The following DLG2 variants were observed in gnomAD, a reference collection of about 807,000 sequenced individuals.
The protein encoded by DLG2 is discs large MAGUK scaffold protein 2, also known as disks large homolog 2.
A neutral mutation model predicts 132.5 loss-of-function variants in DLG2; 45 were observed. The observed-to-expected ratio is 0.34, with a 90% CI of 0.27 to 0.44. The LOEUF is 0.44. Ranked by LOEUF, DLG2 falls within the 20% of genes least tolerant of loss-of-function variation. DLG2 has a pLI of 1.00. For synonymous variants in DLG2, 424 were observed against 419.6 expected (o/e 1.01, Z -0.13); for missense variants, 1,045 against 1,196.9 (o/e 0.87, Z 1.87).
chr11:84,466,687 T>A (rs1049254354), intron 7 of DLG2, among the ~76,000 whole-genome samples: 1 of 151,318 alleles, frequency 6.6e-6, no homozygotes, highest in African/African-American at 2.4e-5. Flanking sequence ...GTACTAAGTA[T>A]TAGAATACCT....
At chr11:84,843,467 G>A (rs755429041) in intron 6 of DLG2, among the ~76,000 whole-genome samples, 3 of 151,668 alleles carry the variant, frequency 2.0e-5, no homozygotes, top group South Asian at 2.1e-4. Context: ...TACTAAGCAC[G>A]TTAAGTACAT....
At chr11:84,994,933 G>C (rs990552197) in intron 6 of DLG2, among the ~76,000 whole-genome samples, 1 of 152,098 alleles carries the variant, frequency 6.6e-6, no homozygotes, top group African/African-American at 2.4e-5. Context: ...GTGTCCTCTG[G>C]AGTCTTGGGG....
intron 12 of DLG2, 144 bp from the exon 13 acceptor site, chr11:83,965,612 C>T (rs2089993176): frequency 1.5e-6 from 1 of 660,060 alleles, no homozygotes; most frequent in Non-Finnish European, 2.5e-6. Context: ...ATGCATTAGT[C>T]AAAGCAGATA....
chr11:83,850,230 T>C (rs1322848543), intron 16 of DLG2, among the ~76,000 whole-genome samples: 2 of 150,846 alleles, frequency 1.3e-5, no homozygotes, highest in African/African-American at 2.4e-5. Context: ...CCCGGCTCAC[T>C]GCAACCTCCG....
chr11:84,145,741 C>T (rs752680954), intron 9 of DLG2, among the ~76,000 whole-genome samples: 6 of 151,970 alleles, frequency 3.9e-5, no homozygotes, highest in African/African-American at 9.7e-5. Context: ...GTTTGTGAGG[C>T]GAGAGAAAGG....
At chr11:84,927,469 C>T (rs1047051434) in intron 6 of DLG2, among the ~76,000 whole-genome samples, 5 of 151,920 alleles carry the variant, frequency 3.3e-5, no homozygotes, top group African/African-American at 1.2e-4. Flanking sequence ...CAAGTGATTC[C>T]AGTGTCCAGC....
At chr11:83,933,857 T>C (rs1437212289) in intron 14 of DLG2, among the ~76,000 whole-genome samples, 6 of 152,182 alleles carry the variant, frequency 3.9e-5, no homozygotes, top group Admixed American at 2.6e-4. Context: ...GCCTAGGCCA[T>C]TTGGATTCTC....
rs970356214 is a variant in DLG2 at position 84,958,994 on chromosome 11, G to A, written c.357+152667C>T. Among the ~76,000 whole-genome samples, 8 of 152,028 alleles carry A rather than the reference G, an allele frequency of 5.3e-5. No homozygotes were observed. In the South Asian group the frequency reaches 1.5e-3, roughly 28 times the overall value. On this transcript the variant is annotated intron_variant, in intron 6 of 27. Transcript: ENST00000376104. The stretch of plus-strand genomic sequence containing the variant: ...ACTTGATTTTAATATTTGGCATCTG[G>A]GTCCTTTGGACAGCGCTACAGGTAG...
chr11:83,772,776 T>A (rs1470119291), intron 18 of DLG2, among the ~76,000 whole-genome samples: 1 of 152,192 alleles, frequency 6.6e-6, no homozygotes, highest in African/African-American at 2.4e-5. Flanking sequence ...AAGTGTTTTT[T>A]TCTTCTTTAA....
chr11:84,960,908 T>G (rs543908807), intron 6 of DLG2, among the ~76,000 whole-genome samples: 5 of 152,270 alleles, frequency 3.3e-5, no homozygotes, highest in African/African-American at 1.2e-4. Context: ...TGATGCATAA[T>G]ACACTGGAGC....
At chr11:84,809,081 T>C (rs2076289634) in intron 6 of DLG2, among the ~76,000 whole-genome samples, 2 of 151,980 alleles carry the variant, frequency 1.3e-5, no homozygotes, top group African/African-American at 4.8e-5. Flanking sequence ...TATAAAATAG[T>C]GGATACCATG....
chr11:83,842,107 A>C (rs1414491997), intron 16 of DLG2, among the ~76,000 whole-genome samples: 1 of 152,144 alleles, frequency 6.6e-6, no homozygotes, highest in Non-Finnish European at 1.5e-5. Context: ...AAATTATAAA[A>C]CCTTTGGATG....
At chr11:85,064,071 G>A (rs978022374) in intron 6 of DLG2, among the ~76,000 whole-genome samples, 1 of 151,714 alleles carries the variant, frequency 6.6e-6, no homozygotes, top group African/African-American at 2.4e-5. Flanking sequence ...AAACAAATAC[G>A]AGGACAAAAC....
intron 6 of DLG2, among the ~76,000 whole-genome samples, chr11:85,082,735 C>CTTTTTTTTTTTTTTTTT (rs71036458): frequency 8.8e-6 from 1 of 113,412 alleles, no homozygotes; most frequent in African/African-American, 3.3e-5. Context: ...TCTTTTCTTT[C>CTTTTTTTTTTTTTTTTT]TTTTTTTTTT....
intron 7 of DLG2, among the ~76,000 whole-genome samples, chr11:84,274,970 C>T (rs1358380257): frequency 6.6e-6 from 1 of 152,204 alleles, no homozygotes; most frequent in Non-Finnish European, 1.5e-5. Context: ...AGCCAGCCCA[C>T]AACTTTCAGA....
intron 18 of DLG2, among the ~76,000 whole-genome samples, chr11:83,705,128 C>T (rs1464389146): frequency 6.6e-6 from 1 of 152,132 alleles, no homozygotes; most frequent in Non-Finnish European, 1.5e-5. Context: ...CTTGTACTTG[C>T]CCTTTGTACT....
At chr11:83,757,849 C>G (rs1452672908) in intron 18 of DLG2, among the ~76,000 whole-genome samples, 1 of 152,086 alleles carries the variant, frequency 6.6e-6, no homozygotes, top group East Asian at 1.9e-4. Flanking sequence ...TTGTATTTCC[C>G]TTATTTTCTC....
chr11:83,875,053 G>T (rs1269611961), intron 15 of DLG2, among the ~76,000 whole-genome samples: 4 of 152,012 alleles, frequency 2.6e-5, no homozygotes, highest in African/African-American at 4.8e-5. Context: ...AACCTAATCT[G>T]TAAATCAGGT....
chr11:84,401,956 AT>A, intron 7 of DLG2, among the ~76,000 whole-genome samples: 1 of 152,362 alleles, frequency 6.6e-6, no homozygotes, highest in Middle Eastern at 3.4e-3. Flanking sequence ...AGAAACTGAT[AT>A]GAATTTCAAG....
Sources: allele counts gnomAD v4.1 joint callset (sites outside exome capture counted in the v4.1 genomes callset), GRCh38; gene constraint gnomAD v4.1.1; transcripts MANE v1.5; gene names NCBI Gene and HGNC (gene_info 2026-07-23, HGNC 2026-07-21).